LIPI: variants seen among roughly 807,000 people sequenced by gnomAD.
LIPI encodes lipase I.
Under a neutral mutation model 50.6 loss-of-function variants are expected in LIPI, and 59 were observed. The observed-to-expected ratio is 1.16, with a 90% CI of 0.94 to 1.45. The LOEUF (loss-of-function observed/expected upper bound fraction) is 1.45. LIPI is among the 40% of genes most tolerant of loss of function. LIPI has a pLI of 0.00. For missense variants in LIPI, 586 were observed against 536.3 expected (o/e 1.09, Z -0.92); for synonymous variants, 203 against 178.2 (o/e 1.14, Z -1.11).
chr21:14,195,570 C>T (rs950797476), intron 1 of LIPI, among the ~76,000 whole-genome samples: 3 of 152,172 alleles, frequency 2.0e-5, no homozygotes, highest in East Asian at 3.9e-4. Flanking sequence ...TTAAGGAAAA[C>T]ATTAACAATC....
intron 6 of LIPI, among the ~76,000 whole-genome samples, chr21:14,164,514 C>T (rs969468196): frequency 1.3e-5 from 2 of 152,136 alleles, no homozygotes; most frequent in African/African-American, 2.4e-5. Flanking sequence ...CTACCTATTC[C>T]TCGAACCCCT....
At chr21:14,137,087 G>A (rs1008829378) in intron 9 of LIPI, among the ~76,000 whole-genome samples, 3 of 152,080 alleles carry the variant, frequency 2.0e-5, no homozygotes, top group Admixed American at 6.5e-5. Flanking sequence ...GTTTTAAAAG[G>A]TCTGGAGTGC....
At chr21:14,166,150 A>T (rs1410093974) in intron 5 of LIPI, among the ~76,000 whole-genome samples, 3 of 152,170 alleles carry the variant, frequency 2.0e-5, no homozygotes, top group African/African-American at 4.8e-5. Context: ...ATAATATAAG[A>T]GGTCTCATCC....
chr21:14,172,037 C>T (rs2018929694), intron 4 of LIPI, among the ~76,000 whole-genome samples: 1 of 152,004 alleles, frequency 6.6e-6, no homozygotes, highest in Admixed American at 6.6e-5. Context: ...ACAAACAACC[C>T]CATCAAAAAA....
At chr21:14,174,699 G>A (rs919287899) in intron 4 of LIPI, among the ~76,000 whole-genome samples, 1 of 152,100 alleles carries the variant, frequency 6.6e-6, no homozygotes, top group African/African-American at 2.4e-5. Context: ...GACTAAAGGT[G>A]CATGCCACCA....
rs773551412 is a variant in LIPI, at chr21:14,163,447, C to CA, written c.977dup (p.Leu326PhefsTer23). Reference sequence around the variant, plus strand: ...AGAATGGATATGTACCACTTGTATCCAAAAACACAGTGGTCCTAAGAGGTC... The same window carrying CA: ...AGAATGGATATGTACCACTTGTATCCAAAAAACACAGTGGTCCTAAGAGGTC... On this transcript the variant is annotated frameshift_variant, in exon 7 of 10. Coordinates refer to ENST00000681601, the MANE Select transcript of LIPI (RefSeq NM_001302998.2). LOFTEE classifies it high-confidence loss of function. The CA allele has an allele frequency of 3.2e-6, 5 of 1,551,654 alleles. No individual in the cohort carries two copies. The highest frequency in any genetic ancestry group is 1.7e-5 in the Admixed American group (1 of 59,854).
At chr21:14,136,531 G>T (rs1275449117) in intron 9 of LIPI, among the ~76,000 whole-genome samples, 1 of 152,280 alleles carries the variant, frequency 6.6e-6, no homozygotes, top group South Asian at 2.1e-4. Flanking sequence ...TGTAATTTGA[G>T]TGCCAGCTCA....
intron 9 of LIPI, 97 bp downstream of exon 9, chr21:14,144,526 G>C: frequency 3.0e-6 from 2 of 655,928 alleles, no homozygotes; most frequent in Non-Finnish European, 5.5e-6. Context: ...ACAATAAACA[G>C]ATATTTGAAT....
At chr21:14,181,444 A>C (rs183929666) in intron 4 of LIPI, among the ~76,000 whole-genome samples, 1 of 152,120 alleles carries the variant, frequency 6.6e-6, no homozygotes, top group African/African-American at 2.4e-5. Flanking sequence ...ACATGGGGGA[A>C]AATGTGATCA....
At chr21:14,185,900 C>G (rs1456184108) in intron 3 of LIPI, 61 bp downstream of exon 3, 2 of 977,126 alleles carry the variant, frequency 2.0e-6, no homozygotes, top group Non-Finnish European at 3.1e-6. Context: ...AAAAAATTAG[C>G]AAAGTAACTT....
Position 14,170,213 on chromosome 21 carries a change from C to A in LIPI, c.644-3762G>T, listed in dbSNP as rs2018843616. ...CCAGTAACAGGCTCTGAAGTTGTGGCAATAATCAATAGCTTACCAACCAAA... is the reference window on the plus strand; with the variant it reads ...CCAGTAACAGGCTCTGAAGTTGTGGAAATAATCAATAGCTTACCAACCAAA... On this transcript the variant is annotated intron_variant, in intron 4 of 9. Coordinates refer to ENST00000681601, the MANE Select transcript of LIPI (RefSeq NM_001302998.2). 2.0e-5 allele frequency among the ~76,000 whole-genome samples: 3 copies of A among 152,238 alleles called. 1 individual carries two copies. The South Asian group carries it at 6.2e-4, about 32-fold the overall frequency.
chr21:14,203,225 C>T (rs956867216), intron 1 of LIPI, among the ~76,000 whole-genome samples: 314 of 152,088 alleles, frequency 2.1e-3, no homozygotes, highest in African/African-American at 7.3e-3. Flanking sequence ...AACACTTTTA[C>T]ACTGTTGGTG....
At chr21:14,118,547 A>C (rs571559235) in intron 9 of LIPI, among the ~76,000 whole-genome samples, 1 of 152,220 alleles carries the variant, frequency 6.6e-6, no homozygotes. Flanking sequence ...AAGTGGAGAT[A>C]GGACCTTAAG....
chr21:14,134,097 G>T (rs1364864814), intron 9 of LIPI, among the ~76,000 whole-genome samples: 2 of 152,036 alleles, frequency 1.3e-5, no homozygotes, highest in African/African-American at 2.4e-5. Flanking sequence ...CAGGCATGGT[G>T]GTGCATGCCT....
intron 3 of LIPI, among the ~76,000 whole-genome samples, chr21:14,183,638 G>A (rs141399680): frequency 0.044 from 6,719 of 151,852 alleles, 185 homozygotes; most frequent in African/African-American, 0.073. Flanking sequence ...AGAAAAAAAC[G>A]AACAACCCCA....
chr21:14,187,071 A>G (rs901558859), intron 2 of LIPI, among the ~76,000 whole-genome samples: 4 of 152,194 alleles, frequency 2.6e-5, no homozygotes, highest in Non-Finnish European at 4.4e-5. Flanking sequence ...GATTCACAAA[A>G]GTTCAATAAT....
At chr21:14,172,371 A>G (rs2018944058) in intron 4 of LIPI, among the ~76,000 whole-genome samples, 1 of 152,260 alleles carries the variant, frequency 6.6e-6, no homozygotes, top group Non-Finnish European at 1.5e-5. Flanking sequence ...TACTGGGTAT[A>G]TACCCAAAGG....
At chr21:14,183,551 G>A (rs529405850) in intron 3 of LIPI, among the ~76,000 whole-genome samples, 13 of 152,136 alleles carry the variant, frequency 8.5e-5, no homozygotes, top group African/African-American at 2.9e-4. Context: ...CTATAGAATG[G>A]GAGAAAATTT....
intron 1 of LIPI, among the ~76,000 whole-genome samples, chr21:14,195,822 TAA>T (rs2019824701): frequency 6.6e-6 from 1 of 152,136 alleles, no homozygotes; most frequent in African/African-American, 2.4e-5. Context: ...AAAGATGGCA[TAA>T]TGTCTAAGAA....
Sources: gnomAD v4.1 joint callset for allele counts (sites outside exome capture counted in the v4.1 genomes callset) on GRCh38, gnomAD v4.1.1 for gene constraint, MANE v1.5 for transcripts, NCBI Gene and HGNC (gene_info 2026-07-23, HGNC 2026-07-21) for gene names.